LYPD6B: variants seen among roughly 807,000 people sequenced by gnomAD.
LYPD6B encodes the protein ly6/PLAUR domain-containing protein 6B.
A neutral mutation model predicts 22.8 loss-of-function variants in LYPD6B; 17 were observed. The observed-to-expected ratio is 0.75, with a 90% confidence interval of 0.51 to 1.12. The LOEUF is 1.12. Ranked by LOEUF, LYPD6B falls within the 50% of genes most tolerant of loss-of-function variation. The pLI, the probability that LYPD6B is intolerant of heterozygous loss-of-function variation, is 0.00. For missense variants in LYPD6B, 221 were observed against 258.3 expected, an observed-to-expected ratio of 0.86 and a Z score of 0.99; for synonymous variants, 106 against 91.6, an observed-to-expected ratio of 1.16 and a Z score of -0.90.
chr2:149,049,014 G>A (rs1330172147), intron 1 of LYPD6B, among the ~76,000 whole-genome samples: 1 of 152,150 alleles, frequency 6.6e-6, no homozygotes, highest in African/African-American at 2.4e-5. Context: ...ATATTCATCT[G>A]CATTGAAAGC....
intron 2 of LYPD6B, among the ~76,000 whole-genome samples, chr2:149,145,242 C>T (rs1688945599): frequency 6.6e-6 from 1 of 152,170 alleles, no homozygotes; most frequent in South Asian, 2.1e-4. Flanking sequence ...CCAATAGCTT[C>T]ATCCATTCAC....
At chr2:149,098,375 A>G (rs1195852996) in intron 1 of LYPD6B, among the ~76,000 whole-genome samples, 6 of 152,120 alleles carry the variant, frequency 3.9e-5, no homozygotes, top group Admixed American at 3.3e-4. Flanking sequence ...CTGTAATCCC[A>G]GCACTTTGGG....
intron 1 of LYPD6B, among the ~76,000 whole-genome samples, chr2:149,046,820 A>AT (rs1394702988): frequency 1.3e-5 from 2 of 152,130 alleles, no homozygotes; most frequent in African/African-American, 2.4e-5. Flanking sequence ...TGTTATTATC[A>AT]TTTTTTAATA....
At chr2:149,127,137 A>G (rs574332222) in intron 1 of LYPD6B, among the ~76,000 whole-genome samples, 2 of 151,606 alleles carry the variant, frequency 1.3e-5, no homozygotes, top group African/African-American at 2.4e-5. Flanking sequence ...TTCATATTTT[A>G]TTATATGAAA....
At chr2:149,068,926 C>A in intron 1 of LYPD6B, 1 of 263,038 alleles carries the variant, frequency 3.8e-6, no homozygotes, top group South Asian at 4.5e-5. Flanking sequence ...CTGATGGGGT[C>A]TTCTAAGAAA....
chr2:149,214,655 C>A lies in LYPD6B; in HGVS notation c.569C>A (p.Ala190Asp). The A allele has an allele frequency of 6.2e-7, 1 of 1,613,918 alleles. No homozygotes were observed. Among genetic ancestry groups the A allele is most frequent in the Non-Finnish European group, 8.5e-7 (1 of 1,179,838 alleles). The change falls in exon 7 of 7, where the codon GCC becomes GAC. Residue 190 changes from alanine (A) to aspartate (D), a missense_variant. Ala to Asp is a moderately radical substitution (Grantham distance 126). Transcript: ENST00000409642. ...GCTCAGAGAACATCTGGCAGCAGTG[C>A]CCCCACACTCTACCTACCAGTGCTT... ...MHAQRTSGSS[A>D]PTLYLPVLAW... is the part of the protein sequence containing the mutation.
intron 1 of LYPD6B, chr2:149,068,468 TTAA>T: frequency 5.4e-6 from 1 of 185,438 alleles, no homozygotes; most frequent in Non-Finnish European, 1.2e-5. Flanking sequence ...TCTTTTTGAG[TTAA>T]TATTTTATTG....
At chr2:149,068,207 A>G (rs1684431022) in intron 1 of LYPD6B, among the ~76,000 whole-genome samples, 1 of 152,196 alleles carries the variant, frequency 6.6e-6, no homozygotes, top group Admixed American at 6.5e-5. Flanking sequence ...TTTTTCCTGT[A>G]GCCACTTTAC....
chr2:149,184,100 G>A (rs1691938390), intron 3 of LYPD6B, among the ~76,000 whole-genome samples: 1 of 152,024 alleles, frequency 6.6e-6, no homozygotes, highest in Admixed American at 6.5e-5. Context: ...GCTGAGGCAG[G>A]AGAATCACTT....
chr2:149,150,812 G>A (rs1008309623), intron 2 of LYPD6B, among the ~76,000 whole-genome samples: 8 of 151,830 alleles, frequency 5.3e-5, no homozygotes, highest in Non-Finnish European at 8.8e-5. Flanking sequence ...CATTTGGCTC[G>A]TGTACTGATC....
intron 3 of LYPD6B, among the ~76,000 whole-genome samples, chr2:149,189,345 TA>T: frequency 1.2e-5 from 1 of 86,662 alleles, no homozygotes; most frequent in African/African-American, 3.4e-5. Flanking sequence ...TCCAAAATTA[TA>T]TATATATATA....
intron 1 of LYPD6B, among the ~76,000 whole-genome samples, chr2:149,098,581 C>T (rs369148282): frequency 2.3e-4 from 33 of 142,982 alleles, no homozygotes; most frequent in East Asian, 1.8e-3. Context: ...GAGCTGAGAT[C>T]GTGCCATTGA....
At chr2:149,170,631 C>T (rs751947835) in intron 3 of LYPD6B, among the ~76,000 whole-genome samples, 2 of 152,162 alleles carry the variant, frequency 1.3e-5, no homozygotes, top group Non-Finnish European at 2.9e-5. Flanking sequence ...AGACACATAG[C>T]TTTGAGTAGG....
chr2:149,043,701 TCTAA>T (rs1269559656), intron 1 of LYPD6B, among the ~76,000 whole-genome samples: 8 of 152,184 alleles, frequency 5.3e-5, no homozygotes, highest in East Asian at 3.8e-4. Context: ...TGAGGAATTC[TCTAA>T]CTAACCAAAA....
chr2:149,044,063 A>G lies in LYPD6B; in HGVS notation c.-67+5262A>G, dbSNP rs531699106. Among the ~76,000 whole-genome samples the G allele has an allele frequency of 1.6e-4, 24 of 152,208 alleles. 1 individual carries two copies. The highest frequency in any genetic ancestry group is 6.8e-3 in the Middle Eastern group (2 of 294). On this transcript the variant is annotated intron_variant, in intron 1 of 6. Transcript: ENST00000409642. ...AATACATTTTGGAAGCACATAGTGT[A>G]GGCCCTCCAACTTTATTCTTTTTCA...
In LYPD6B at chr2:149,214,593, C is replaced by G. The variant is rs770519663; in HGVS notation, c.507C>G (p.Pro169=). 1 of 1,613,848 alleles carries G rather than the reference C, an allele frequency of 6.2e-7. No individual in the cohort carries two copies. Among genetic ancestry groups the G allele is most frequent in the Non-Finnish European group, 8.5e-7 (1 of 1,179,814 alleles). ...CEGMICNVEL[P]TNHTNAVFAV... is the part of the protein sequence containing the mutation. ...GAATGATCTGCAATGTAGAATTACC[C>G]ACCAATCACACTAATGCAGTGTTTG... Residue 169 remains proline (P), a synonymous_variant, in exon 7 of 7, where the codon CCC becomes CCG. Transcript: ENST00000409642.
chr2:149,088,228 A>G (rs1252962956), intron 1 of LYPD6B, among the ~76,000 whole-genome samples: 3 of 152,034 alleles, frequency 2.0e-5, no homozygotes, highest in Non-Finnish European at 4.4e-5. Context: ...CATCTAGAAA[A>G]CAGACTAACC....
chr2:149,160,937 T>C, intron 3 of LYPD6B, 102 bp downstream of exon 3: 1 of 851,418 alleles, frequency 1.2e-6, no homozygotes. Context: ...CCTGTGTTTT[T>C]CCCATCTCCT....
At chr2:149,055,822 G>A (rs1683763469) in intron 1 of LYPD6B, among the ~76,000 whole-genome samples, 1 of 152,186 alleles carries the variant, frequency 6.6e-6, no homozygotes, top group Non-Finnish European at 1.5e-5. Context: ...CCAAATGGAG[G>A]TAGTATTACT....
Sources: allele counts gnomAD v4.1 joint callset (sites outside exome capture counted in the v4.1 genomes callset), GRCh38; gene constraint gnomAD v4.1.1; transcripts MANE v1.5; gene names NCBI Gene and HGNC (gene_info 2026-07-23, HGNC 2026-07-21).